Variants in MDGA2 observed in about 807,000 individuals in gnomAD.
The protein encoded by MDGA2 is MAM domain-containing glycosylphosphatidylinositol anchor protein 2.
Under a neutral mutation model 117.8 loss-of-function variants are expected in MDGA2, and 40 were observed. That is an observed-to-expected ratio of 0.34 (90% CI 0.26 to 0.44). The LOEUF (loss-of-function observed/expected upper bound fraction) is 0.44. MDGA2 is among the 20% of genes least tolerant of loss of function. The probability of loss-of-function intolerance (pLI) is 1.00; values close to 1 mark genes in which losing one functional copy is unlikely to be tolerated. For missense variants in MDGA2, 1,123 were observed against 1,250.6 expected, an observed-to-expected ratio of 0.90 and a Z score of 1.54; for synonymous variants, 452 against 439.0, an observed-to-expected ratio of 1.03 and a Z score of -0.37.
chr14:47,213,995 G>A (rs538180797), intron 3 of MDGA2, among the ~76,000 whole-genome samples: 9 of 152,116 alleles, frequency 5.9e-5, no homozygotes, highest in East Asian at 1.9e-4. Flanking sequence ...TTCTTCACAA[G>A]GAAAAGTACC....
intron 1 of MDGA2, among the ~76,000 whole-genome samples, chr14:47,456,842 AC>A (rs1467058973): frequency 6.6e-6 from 1 of 152,172 alleles, no homozygotes; most frequent in African/African-American, 2.4e-5. Context: ...TGTTCTGGTT[AC>A]AAGTAGCACT....
intron 2 of MDGA2, among the ~76,000 whole-genome samples, chr14:47,249,076 G>T (rs1321847203): frequency 6.6e-6 from 1 of 150,380 alleles, no homozygotes; most frequent in Non-Finnish European, 1.5e-5. Context: ...GGAGGGCAGT[G>T]GTGCGATCTC....
chr14:47,367,695 G>C (rs942376851), intron 1 of MDGA2, among the ~76,000 whole-genome samples: 10 of 152,106 alleles, frequency 6.6e-5, no homozygotes, highest in Non-Finnish European at 1.3e-4. Flanking sequence ...CTACACAAGA[G>C]CAACAATTAC....
At chr14:47,055,183 G>GA in intron 7 of MDGA2, among the ~76,000 whole-genome samples, 1 of 151,970 alleles carries the variant, frequency 6.6e-6, no homozygotes, top group Middle Eastern at 3.4e-3. Flanking sequence ...CAGATTGATT[G>GA]TTAAGCCTTA....
At chr14:47,454,434 T>C (rs1038029199) in intron 1 of MDGA2, among the ~76,000 whole-genome samples, 27 of 152,206 alleles carry the variant, frequency 1.8e-4, no homozygotes, top group Non-Finnish European at 7.3e-5. Context: ...AACCTCAATA[T>C]TTCTTTAATA....
intron 1 of MDGA2, among the ~76,000 whole-genome samples, chr14:47,539,830 C>T (rs1014630718): frequency 2.6e-5 from 4 of 152,166 alleles, no homozygotes; most frequent in African/African-American, 9.7e-5. Flanking sequence ...TAGCAGTCAC[C>T]TGTAAGGCGT....
intron 14 of MDGA2, among the ~76,000 whole-genome samples, chr14:46,856,378 T>C (rs951888236): frequency 3.9e-5 from 6 of 152,130 alleles, no homozygotes; most frequent in Non-Finnish European, 8.8e-5. Flanking sequence ...AATCAATGCA[T>C]CTTGATTGTA....
chr14:47,665,275 G>A (rs1897923042), intron 1 of MDGA2, among the ~76,000 whole-genome samples: 1 of 152,090 alleles, frequency 6.6e-6, no homozygotes, highest in African/African-American at 2.4e-5. Flanking sequence ...ACACACATTT[G>A]TGTATTTCTC....
At chr14:47,090,163 C>A (rs1014681696) in intron 6 of MDGA2, among the ~76,000 whole-genome samples, 1 of 152,036 alleles carries the variant, frequency 6.6e-6, no homozygotes, top group African/African-American at 2.4e-5. Context: ...TATTTAAAGA[C>A]TACAGTCCTT....
At chr14:47,644,291 C>T (rs1338071635) in intron 1 of MDGA2, among the ~76,000 whole-genome samples, 1 of 152,056 alleles carries the variant, frequency 6.6e-6, no homozygotes, top group Non-Finnish European at 1.5e-5. Context: ...TCAATGGAAA[C>T]ACAAAGATTC....
chr14:46,929,865 G>C (rs1021940487), intron 9 of MDGA2, among the ~76,000 whole-genome samples: 3 of 150,152 alleles, frequency 2.0e-5, no homozygotes, highest in African/African-American at 7.4e-5. Context: ...TGGAACTCCT[G>C]ACCTCAGGTG....
intron 14 of MDGA2, among the ~76,000 whole-genome samples, chr14:46,862,805 C>T (rs562476792): frequency 6.6e-6 from 1 of 152,086 alleles, no homozygotes; most frequent in South Asian, 2.1e-4. Context: ...TTGTTTTATA[C>T]ATACATACAA....
In MDGA2 at chr14:46,855,036, A is replaced by T. The variant is rs370431166; in HGVS notation, c.2871T>A (p.Ile957=). 46 of 1,599,614 alleles carry T rather than the reference A, an allele frequency of 2.9e-5. No individual in the cohort carries two copies. The highest frequency in any genetic ancestry group is 3.8e-5 in the Non-Finnish European group (45 of 1,174,740). ...CTACTTTTCTTACCTGAAATGAAGT[A>T]ATTGGGTATATATTAACATGAGCCT... is the stretch of plus-strand genomic sequence containing the variant. ...WNEAHVNIYP[I]TSFQLIFEGI... Residue 957 remains isoleucine (I), a synonymous_variant, in exon 15 of 17, where the codon ATT becomes ATA. Transcript: ENST00000399232. The surrounding 1 kb of genome is among the most constrained non-coding windows in gnomAD (Gnocchi z 4.1).
chr14:47,040,371 A>G (rs1041709037), intron 7 of MDGA2, among the ~76,000 whole-genome samples: 2 of 152,112 alleles, frequency 1.3e-5, no homozygotes, highest in African/African-American at 2.4e-5. Flanking sequence ...TGATTAAACA[A>G]TATATATAGT....
chr14:46,963,312 T>C (rs935407191), intron 8 of MDGA2, among the ~76,000 whole-genome samples: 1 of 152,242 alleles, frequency 6.6e-6, no homozygotes, highest in Non-Finnish European at 1.5e-5. Context: ...ATACCTGTAA[T>C]AGGTCAATGT....
chr14:47,323,859 G>T (rs1011126884), intron 1 of MDGA2, among the ~76,000 whole-genome samples: 2 of 152,146 alleles, frequency 1.3e-5, no homozygotes, highest in South Asian at 4.1e-4. Flanking sequence ...GGAAGAAATC[G>T]GTATGAGAAA....
intron 3 of MDGA2, among the ~76,000 whole-genome samples, chr14:47,186,946 G>T (rs987474728): frequency 6.6e-6 from 1 of 151,932 alleles, no homozygotes; most frequent in East Asian, 1.9e-4. Flanking sequence ...ATCTCATTCT[G>T]AATGTGGCTC....
chr14:47,543,189 A>G (rs1226368015), intron 1 of MDGA2, among the ~76,000 whole-genome samples: 1 of 152,178 alleles, frequency 6.6e-6, no homozygotes, highest in Non-Finnish European at 1.5e-5. Flanking sequence ...CAGCCTAGGT[A>G]ACACAGTAAG....
intron 9 of MDGA2, among the ~76,000 whole-genome samples, chr14:46,952,272 TCTC>T (rs1335074254): frequency 1.3e-5 from 2 of 151,880 alleles, no homozygotes; most frequent in African/African-American, 4.8e-5. Context: ...TATTGGGAAG[TCTC>T]CTCAAAAAGA....
Sources: allele counts gnomAD v4.1 joint callset (sites outside exome capture counted in the v4.1 genomes callset), GRCh38; gene constraint gnomAD v4.1.1; non-coding constraint Gnocchi (gnomAD v3.1); transcripts MANE v1.5; gene names NCBI Gene and HGNC (gene_info 2026-07-23, HGNC 2026-07-21).